AGBL4: variants seen among roughly 807,000 people sequenced by gnomAD.
AGBL4 encodes AGBL carboxypeptidase 4, also known as cytosolic carboxypeptidase 6.
Under a neutral mutation model 66.4 loss-of-function variants are expected in AGBL4, and 58 were observed. The observed-to-expected ratio is 0.87, with a 90% CI of 0.71 to 1.09. AGBL4 has a LOEUF of 1.09. AGBL4 is among the 50% of genes least tolerant of loss of function. AGBL4 has a pLI of 0.00. For missense variants in AGBL4, 579 were observed against 631.0 expected (o/e 0.92, Z 0.88); for synonymous variants, 234 against 222.9 (o/e 1.05, Z -0.44).
intron 3 of AGBL4, among the ~76,000 whole-genome samples, chr1:49,307,528 A>G (rs1644868623): frequency 6.6e-6 from 1 of 152,184 alleles, no homozygotes; most frequent in African/African-American, 2.4e-5. Context: ...TAAAATGCCT[A>G]TAACAATAAA....
chr1:49,643,942 TATTG>T (rs972559772), intron 3 of AGBL4, among the ~76,000 whole-genome samples: 1 of 151,716 alleles, frequency 6.6e-6, no homozygotes, highest in African/African-American at 2.4e-5. Context: ...ACTTTTTCCT[TATTG>T]GTTAGATTTC....
At chr1:49,308,615 CCAGA>C (rs1288218376) in intron 3 of AGBL4, among the ~76,000 whole-genome samples, 4 of 152,022 alleles carry the variant, frequency 2.6e-5, no homozygotes, top group Admixed American at 1.3e-4. Flanking sequence ...ATTCTTTATA[CCAGA>C]CAAAGGACTG....
At position 48,776,701 on chromosome 1, in the gene AGBL4, G is replaced by A. The variant is rs1280959005; in HGVS notation, c.634+90490C>T. 2.6e-6 allele frequency: 4 copies of A among 1,518,410 alleles called. No individual in the cohort carries two copies. In the East Asian group the frequency reaches 1.1e-4, roughly 41 times the overall value. The allele number at this position is 1,518,410 out of a possible 1,614,324, so 94.1% of individuals were successfully genotyped here. ...CTCGGGCCCGGCGCCCAATTCCTCC[G>A]GGCCCCGGTACACGGCGTACACCTT... On this transcript the variant is annotated intron_variant, in intron 6 of 13. Coordinates refer to ENST00000371839, the MANE Select transcript of AGBL4 (RefSeq NM_032785.4).
chr1:49,373,770 T>TA (rs1271890444), intron 3 of AGBL4, among the ~76,000 whole-genome samples: 1 of 152,002 alleles, frequency 6.6e-6, no homozygotes, highest in African/African-American at 2.4e-5. Context: ...AAGACACTAT[T>TA]AAAAAAATAT....
At chr1:49,873,194 G>T (rs1387673394) in intron 1 of AGBL4, among the ~76,000 whole-genome samples, 1 of 151,588 alleles carries the variant, frequency 6.6e-6, no homozygotes, top group Non-Finnish European at 1.5e-5. Context: ...CTTTTTGTTT[G>T]CTTGTTTTCT....
chr1:49,392,602 C>T (rs930358259), intron 3 of AGBL4, among the ~76,000 whole-genome samples: 7 of 152,048 alleles, frequency 4.6e-5, no homozygotes, highest in East Asian at 1.9e-4. Context: ...TAGCCACATT[C>T]GAGAACTCAA....
chr1:48,805,899 A>G (rs1235924428), intron 6 of AGBL4, among the ~76,000 whole-genome samples: 1 of 152,196 alleles, frequency 6.6e-6, no homozygotes, highest in Non-Finnish European at 1.5e-5. Flanking sequence ...TCCTATGCAT[A>G]AAACAACAGC....
intron 3 of AGBL4, among the ~76,000 whole-genome samples, chr1:49,315,265 A>G (rs1328154452): frequency 6.6e-6 from 1 of 152,232 alleles, no homozygotes; most frequent in Non-Finnish European, 1.5e-5. Flanking sequence ...AAAGAGTTAA[A>G]TGTAAGATCT....
intron 2 of AGBL4, among the ~76,000 whole-genome samples, chr1:49,837,208 T>C (rs1645874233): frequency 3.9e-5 from 6 of 152,216 alleles, no homozygotes; most frequent in Admixed American, 3.9e-4. Context: ...GTTTTATCTA[T>C]AAGCCCCTGA....
At chr1:48,751,242 G>A (rs921867449) in intron 6 of AGBL4, among the ~76,000 whole-genome samples, 10 of 152,164 alleles carry the variant, frequency 6.6e-5, no homozygotes, top group African/African-American at 2.4e-4. Flanking sequence ...AAGACATGGT[G>A]GGCTTTTAAA....
At chr1:49,548,986 C>T (rs1326681641) in intron 3 of AGBL4, among the ~76,000 whole-genome samples, 2 of 151,922 alleles carry the variant, frequency 1.3e-5, no homozygotes, top group Non-Finnish European at 2.9e-5. Context: ...CTCATTCTTC[C>T]TGATTTAAGC....
intron 5 of AGBL4, among the ~76,000 whole-genome samples, chr1:49,044,163 A>G (rs1040291372): frequency 6.6e-6 from 1 of 152,174 alleles, no homozygotes; most frequent in Non-Finnish European, 1.5e-5. Context: ...CACTATGAAG[A>G]ACAACTTCAG....
chr1:49,115,626 A>G (rs1466196642), intron 4 of AGBL4, among the ~76,000 whole-genome samples: 2 of 151,918 alleles, frequency 1.3e-5, no homozygotes, highest in African/African-American at 4.8e-5. Flanking sequence ...AAGAGAGAGA[A>G]AGAATCCGGT....
chr1:49,238,518 C>A (rs1255861265), intron 4 of AGBL4, among the ~76,000 whole-genome samples: 2 of 152,230 alleles, frequency 1.3e-5, no homozygotes, highest in African/African-American at 4.8e-5. Context: ...TGATCTGACA[C>A]CACGAAGAGG....
intron 5 of AGBL4, among the ~76,000 whole-genome samples, chr1:49,034,835 T>G (rs956389647): frequency 2.0e-5 from 3 of 152,140 alleles, no homozygotes; most frequent in Non-Finnish European, 2.9e-5. Context: ...TAAACCTCTT[T>G]CCCTTATAAA....
intron 1 of AGBL4, among the ~76,000 whole-genome samples, chr1:49,861,833 G>A (rs775726918): frequency 4.6e-5 from 7 of 152,194 alleles, no homozygotes; most frequent in African/African-American, 7.2e-5. Context: ...ATGTAACTGG[G>A]CTTGGGGTGC....
chr1:48,909,416 T>A (rs1204373393), intron 5 of AGBL4, among the ~76,000 whole-genome samples: 1 of 152,170 alleles, frequency 6.6e-6, no homozygotes, highest in Non-Finnish European at 1.5e-5. Context: ...AGATACAGCA[T>A]GTTCAGATTA....
intron 5 of AGBL4, among the ~76,000 whole-genome samples, chr1:48,908,556 C>T (rs1343423): frequency 0.24 from 37,055 of 152,080 alleles, 5,741 homozygotes; most frequent in African/African-American, 0.44. Context: ...TTTTAGTATA[C>T]TGAGCACTAG....
chr1:49,406,352 A>G (rs1553196836), intron 3 of AGBL4, among the ~76,000 whole-genome samples: 1 of 152,208 alleles, frequency 6.6e-6, no homozygotes, highest in Non-Finnish European at 1.5e-5. Context: ...AACATTTGGT[A>G]TGATATTTAT....
Sources: gnomAD v4.1 joint callset for allele counts (sites outside exome capture counted in the v4.1 genomes callset) on GRCh38, gnomAD v4.1.1 for gene constraint, MANE v1.5 for transcripts, NCBI Gene and HGNC (gene_info 2026-07-23, HGNC 2026-07-21) for gene names.